The following ADGRL4 variants were observed in gnomAD, a reference collection of about 807,000 sequenced individuals.
ADGRL4 encodes adhesion G protein-coupled receptor L4, also known as EGF, latrophilin and seven transmembrane domain containing 1.
In ADGRL4, 90 loss-of-function variants were observed where a neutral mutation model predicts 74.8. The observed-to-expected ratio is 1.20, with a 90% CI of 1.02 to 1.43. The LOEUF (loss-of-function observed/expected upper bound fraction) is 1.43, where lower values mean the gene tolerates loss of function less well. Among genes scored for constraint, ADGRL4 ranks in the 40% most tolerant of loss-of-function variants. ADGRL4 has a pLI of 0.00. For missense variants in ADGRL4, 881 were observed against 814.3 expected, an observed-to-expected ratio of 1.08 and a Z score of -1.00; for synonymous variants, 311 against 279.2, an observed-to-expected ratio of 1.11 and a Z score of -1.14.
At chr1:78,938,044 A>G (rs570330252) in intron 5 of ADGRL4, 54 bp from the exon 6 acceptor site, 2 of 1,603,322 alleles carry the variant, frequency 1.2e-6, no homozygotes, top group Non-Finnish European at 1.7e-6. Context: ...ACTATTCACA[A>G]ATGAAAGGAA....
chr1:78,927,831 G>A (rs1298219036), intron 7 of ADGRL4, among the ~76,000 whole-genome samples: 1 of 152,156 alleles, frequency 6.6e-6, no homozygotes, highest in Non-Finnish European at 1.5e-5. Context: ...AGTTGCCAAA[G>A]TGTATTGCTA....
chr1:78,951,728 T>C (rs1649726708), intron 2 of ADGRL4, among the ~76,000 whole-genome samples: 1 of 152,232 alleles, frequency 6.6e-6, no homozygotes, highest in Non-Finnish European at 1.5e-5. Context: ...TCAGATGGGT[T>C]AAATCATGCT....
At chr1:78,907,092 G>A (rs1316048647) in intron 12 of ADGRL4, among the ~76,000 whole-genome samples, 1 of 151,892 alleles carries the variant, frequency 6.6e-6, no homozygotes, top group Non-Finnish European at 1.5e-5. Flanking sequence ...GCATTGTCTA[G>A]CCAGCACTTC....
At chr1:78,994,331 A>C (rs1650672535) in intron 2 of ADGRL4, among the ~76,000 whole-genome samples, 1 of 152,198 alleles carries the variant, frequency 6.6e-6, no homozygotes. Flanking sequence ...TATAACATTC[A>C]ATCAGATCTA....
At chr1:78,919,028 T>G (rs1345104954) in intron 10 of ADGRL4, among the ~76,000 whole-genome samples, 1 of 151,908 alleles carries the variant, frequency 6.6e-6, no homozygotes, top group East Asian at 1.9e-4. Flanking sequence ...CATTGGAGGA[T>G]AGTGGGAGAT....
intron 2 of ADGRL4, among the ~76,000 whole-genome samples, chr1:78,969,912 T>C (rs1020880164): frequency 1.3e-5 from 2 of 152,262 alleles, no homozygotes; most frequent in East Asian, 3.9e-4. Flanking sequence ...GGATCAATAC[T>C]CTAGTTCTGA....
chr1:78,995,456 T>C (rs1650694348), intron 2 of ADGRL4, among the ~76,000 whole-genome samples: 2 of 152,182 alleles, frequency 1.3e-5, no homozygotes, highest in Non-Finnish European at 2.9e-5. Context: ...TATCATGGTG[T>C]GCCAGGTCAT....
intron 2 of ADGRL4, among the ~76,000 whole-genome samples, chr1:78,981,859 G>A (rs1409289010): frequency 2.0e-5 from 3 of 151,626 alleles, no homozygotes; most frequent in Admixed American, 1.3e-4. Context: ...GTTTCTTAAT[G>A]TCCTTGACAT....
At chr1:78,919,464 G>T (rs1174133309) in intron 10 of ADGRL4, among the ~76,000 whole-genome samples, 2 of 151,862 alleles carry the variant, frequency 1.3e-5, no homozygotes, top group African/African-American at 2.4e-5. Context: ...TTGGCTCAAG[G>T]ACTTCCGAGA....
intron 3 of ADGRL4, among the ~76,000 whole-genome samples, chr1:78,943,486 T>C (rs2100693249): frequency 6.6e-6 from 1 of 152,328 alleles, no homozygotes. Flanking sequence ...GAAAATAGTA[T>C]TTGAATATGG....
intron 2 of ADGRL4, among the ~76,000 whole-genome samples, chr1:78,966,326 C>G (rs1650055516): frequency 6.6e-6 from 1 of 152,024 alleles, no homozygotes; most frequent in South Asian, 2.1e-4. Flanking sequence ...CTTTTTTTGC[C>G]TAATAAATTC....
rs536855191 is a variant in ADGRL4 at position 78,896,145 on chromosome 1, C to T, written c.1750-2956G>A. 4.6e-5 allele frequency among the ~76,000 whole-genome samples: 7 copies of T among 152,002 alleles called. No homozygotes were observed. In the South Asian group the frequency reaches 6.2e-4, roughly 14 times the overall value. On this transcript the variant is annotated intron_variant, in intron 12 of 14. Coordinates refer to ENST00000370742, the MANE Select transcript of ADGRL4 (RefSeq NM_022159.4). ...TTCCCTTTGTTTACTATACTCCTGC[C>T]GCCTTTATCAATTGTTTATAGGAAT...
At chr1:78,918,975 G>T (rs1352855836) in intron 10 of ADGRL4, among the ~76,000 whole-genome samples, 1 of 151,880 alleles carries the variant, frequency 6.6e-6, no homozygotes, top group African/African-American at 2.4e-5. Context: ...GAGTAATTTT[G>T]GGGTGAAGAT....
At chr1:78,963,179 G>T (rs1649988106) in intron 2 of ADGRL4, among the ~76,000 whole-genome samples, 1 of 152,152 alleles carries the variant, frequency 6.6e-6, no homozygotes, top group African/African-American at 2.4e-5. Flanking sequence ...TTTCACCCAG[G>T]TATAAATATG....
chr1:78,924,287 A>G (rs1408456855), intron 8 of ADGRL4, among the ~76,000 whole-genome samples: 1 of 152,036 alleles, frequency 6.6e-6, no homozygotes, highest in Admixed American at 6.6e-5. Flanking sequence ...GTCTGCGTGT[A>G]TATGTATATT....
chr1:78,993,234 C>A (rs971399678), intron 2 of ADGRL4, among the ~76,000 whole-genome samples: 2 of 151,836 alleles, frequency 1.3e-5, no homozygotes, highest in African/African-American at 4.8e-5. Flanking sequence ...TATTTCTTCC[C>A]AGTTGGTTTA....
intron 12 of ADGRL4, among the ~76,000 whole-genome samples, chr1:78,907,701 C>T (rs1219211728): frequency 1.3e-5 from 2 of 151,672 alleles, no homozygotes; most frequent in African/African-American, 4.8e-5. Context: ...GAGGTATAAA[C>T]AGAAGGAAGT....
intron 12 of ADGRL4, among the ~76,000 whole-genome samples, chr1:78,910,981 T>C (rs769073896): frequency 6.6e-6 from 1 of 151,844 alleles, no homozygotes; most frequent in Non-Finnish European, 1.5e-5. Context: ...TAGTTAACAC[T>C]TATCTGAACG....
Position 78,920,748 on chromosome 1 carries a change from G to A in ADGRL4, c.1258-362C>T, listed in dbSNP as rs184974669. On this transcript the variant is annotated intron_variant, in intron 9 of 14. Transcript: ENST00000370742. Reference sequence around the variant, plus strand: ...GGTTAATTAAAACAGATTTATCAGTGGTAAGACTAAGTCTTATGTCTATGC... The same window carrying A: ...GGTTAATTAAAACAGATTTATCAGTAGTAAGACTAAGTCTTATGTCTATGC... Among the ~76,000 whole-genome samples, 261 of 151,802 alleles carry A rather than the reference G, an allele frequency of 1.7e-3. 1 individual carries two copies. Among genetic ancestry groups the A allele is most frequent in the Admixed American group, 2.8e-3 (42 of 15,198 alleles).
Sources: allele counts gnomAD v4.1 joint callset (sites outside exome capture counted in the v4.1 genomes callset), GRCh38; gene constraint gnomAD v4.1.1; transcripts MANE v1.5; gene names NCBI Gene and HGNC (gene_info 2026-07-23, HGNC 2026-07-21).